PCNX2: variants seen among roughly 807,000 people sequenced by gnomAD.
PCNX2 encodes the protein pecanex 2.
PCNX2 carries 168 observed loss-of-function variants against 223.8 expected under a neutral mutation model. The observed-to-expected ratio is 0.75, with a 90% CI of 0.66 to 0.85. The LOEUF (loss-of-function observed/expected upper bound fraction) is 0.85, where lower values mean the gene tolerates loss of function less well. Ranked by LOEUF, PCNX2 falls within the 40% of genes least tolerant of loss-of-function variation. PCNX2 has a pLI of 0.00. For synonymous variants in PCNX2, 1,006 were observed against 1,052.6 expected, an observed-to-expected ratio of 0.96 and a Z score of 0.86; for missense variants, 2,507 against 2,675.5, an observed-to-expected ratio of 0.94 and a Z score of 1.39.
At chr1:233,113,483 G>A (rs561822000) in intron 21 of PCNX2, among the ~76,000 whole-genome samples, 9 of 152,208 alleles carry the variant, frequency 5.9e-5, no homozygotes, top group African/African-American at 2.2e-4. Flanking sequence ...CTGCATCCAA[G>A]CTAAGAGTTT....
chr1:233,057,188 A>T (rs1219384761), intron 24 of PCNX2, 44 bp downstream of exon 24: 1 of 1,449,350 alleles, frequency 6.9e-7, no homozygotes, highest in East Asian at 2.3e-5. Flanking sequence ...GAATCCATCC[A>T]TACAACAATA....
chr1:233,289,522 T>C, intron 1 of PCNX2: 1 of 684,890 alleles, frequency 1.5e-6, no homozygotes, highest in Non-Finnish European at 2.6e-6. Context: ...AACTCCATGC[T>C]GCAGGCTCTT....
chr1:233,208,633 G>T lies in PCNX2; in HGVS notation c.2748C>A (p.Gly916=). Residue 916 remains glycine, a synonymous_variant, in exon 13 of 34, where the codon GGC becomes GGA. Transcript: ENST00000258229. ...SRPIYFCVLC[G]LILLLDTGAK... Reference sequence around the variant, plus strand: ...CCCCTGTATCAAGAAGCAAAATAAGGCCACACAGCACACAAAAATAGATTG... The same window carrying T: ...CCCCTGTATCAAGAAGCAAAATAAGTCCACACAGCACACAAAAATAGATTG... 4 of 1,613,570 alleles carry T rather than the reference G, an allele frequency of 2.5e-6. No individual in the cohort carries two copies. Among genetic ancestry groups the T allele is most frequent in the Non-Finnish European group, 3.4e-6 (4 of 1,179,806 alleles).
At chr1:233,199,066 C>T (rs758624793) in intron 14 of PCNX2, 36 bp from the exon 15 acceptor site, 38 of 1,521,136 alleles carry the variant, frequency 2.5e-5, no homozygotes, top group Middle Eastern at 1.7e-4. Flanking sequence ...TTTCTAGACC[C>T]GCCATTCTTA....
At chr1:233,160,474 G>T (rs1192170416) in intron 18 of PCNX2, 41 bp from the exon 19 acceptor site, 74 of 1,589,782 alleles carry the variant, frequency 4.7e-5, no homozygotes, top group Non-Finnish European at 6.0e-5. Flanking sequence ...TTAGCCTAGA[G>T]GATGGGGAGA....
intron 21 of PCNX2, among the ~76,000 whole-genome samples, chr1:233,108,317 T>C (rs1037500527): frequency 1.3e-5 from 2 of 152,142 alleles, no homozygotes; most frequent in Non-Finnish European, 2.9e-5. Flanking sequence ...GTCCAAAATC[T>C]GAGGAGAGAA....
At chr1:233,312,111 G>T in the PCNX2 span, among the ~76,000 whole-genome samples, 1 of 152,020 alleles carries the variant, frequency 6.6e-6, no homozygotes, top group East Asian at 1.9e-4. Flanking sequence ...CTGGGCTACA[G>T]AGCAAAACTC....
At chr1:233,220,557 T>C (rs536984984) in intron 10 of PCNX2, among the ~76,000 whole-genome samples, 44 of 152,326 alleles carry the variant, frequency 2.9e-4, no homozygotes, top group Admixed American at 5.9e-4. Flanking sequence ...TGTCTTTTCA[T>C]ATGCTTATTT....
At chr1:233,016,199 G>C (rs2102818736) in intron 27 of PCNX2, among the ~76,000 whole-genome samples, 1 of 152,284 alleles carries the variant, frequency 6.6e-6, no homozygotes, top group Middle Eastern at 3.4e-3. Flanking sequence ...ACCTTGGCTA[G>C]TGTCGTGGTT....
At chr1:233,089,902 A>G in intron 23 of PCNX2, 159 bp downstream of exon 23, 1 of 1,417,738 alleles carries the variant, frequency 7.1e-7, no homozygotes. Flanking sequence ...CCAAGAGCTG[A>G]GTCAATGAAC....
intron 8 of PCNX2, among the ~76,000 whole-genome samples, chr1:233,238,776 A>T (rs1196493668): frequency 6.6e-6 from 1 of 152,160 alleles, no homozygotes; most frequent in Non-Finnish European, 1.5e-5. Context: ...TCATATAAAG[A>T]ACCGCTTAGG....
intron 17 of PCNX2, among the ~76,000 whole-genome samples, chr1:233,171,305 A>T (rs574673295): frequency 4.9e-4 from 74 of 150,794 alleles, no homozygotes; most frequent in African/African-American, 1.3e-3. Context: ...TTTTTTTTTT[A>T]AATCTTTTTT....
At chr1:233,285,883 G>C (rs1661421699) in intron 1 of PCNX2, among the ~76,000 whole-genome samples, 1 of 152,212 alleles carries the variant, frequency 6.6e-6, no homozygotes, top group Admixed American at 6.5e-5. Flanking sequence ...ATACCATGCA[G>C]ACATGAATAA....
At chr1:233,228,751 A>G (rs1490445265) in intron 9 of PCNX2, among the ~76,000 whole-genome samples, 1 of 152,200 alleles carries the variant, frequency 6.6e-6, no homozygotes, top group Non-Finnish European at 1.5e-5. Flanking sequence ...GCTTTTGTGA[A>G]TAATGCTGCT....
intron 10 of PCNX2, among the ~76,000 whole-genome samples, chr1:233,218,415 A>AT (rs541907333): frequency 3.1e-4 from 39 of 124,786 alleles, no homozygotes; most frequent in East Asian, 8.7e-4. Context: ...AGCCCGGCTA[A>AT]TTTTTTTATT....
chr1:233,197,496 G>A (rs1046995779), intron 15 of PCNX2, among the ~76,000 whole-genome samples: 3 of 152,058 alleles, frequency 2.0e-5, no homozygotes, highest in African/African-American at 7.2e-5. Flanking sequence ...TCAAAAGAAA[G>A]AACACCGGAA....
At chr1:233,292,209 T>C (rs901029935) in intron 1 of PCNX2, among the ~76,000 whole-genome samples, 3 of 141,824 alleles carry the variant, frequency 2.1e-5, no homozygotes, top group Non-Finnish European at 3.1e-5. Flanking sequence ...TTTCTTTTTT[T>C]TTTTTTTTTT....
chr1:233,030,676 A>G (rs1458708336), intron 25 of PCNX2, among the ~76,000 whole-genome samples: 1 of 152,162 alleles, frequency 6.6e-6, no homozygotes, highest in Non-Finnish European at 1.5e-5. Context: ...CTCTACTCCT[A>G]AAGCCTGGTC....
At chr1:233,287,030 G>A (rs755835413) in intron 1 of PCNX2, among the ~76,000 whole-genome samples, 6 of 152,286 alleles carry the variant, frequency 3.9e-5, no homozygotes, top group Admixed American at 6.5e-5. Context: ...AGTCATGGGC[G>A]TTACCCATAT....
Sources: allele counts gnomAD v4.1 joint callset (sites outside exome capture counted in the v4.1 genomes callset), GRCh38; gene constraint gnomAD v4.1.1; transcripts MANE v1.5; gene names NCBI Gene and HGNC (gene_info 2026-07-23, HGNC 2026-07-21).